The following TRHDE variants were observed in gnomAD, a reference collection of about 807,000 sequenced individuals.
The protein encoded by TRHDE is thyrotropin releasing hormone degrading enzyme, also known as thyrotropin-releasing hormone-degrading ectoenzyme.
A neutral mutation model predicts 125.7 loss-of-function variants in TRHDE; 72 were observed. The ratio of observed to expected loss-of-function variants is 0.57; its 90% CI spans 0.47 to 0.70. The LOEUF (loss-of-function observed/expected upper bound fraction) is 0.70. Ranked by LOEUF, TRHDE falls within the 30% of genes least tolerant of loss-of-function variation. TRHDE has a pLI of 0.00. For synonymous variants in TRHDE, 509 were observed against 509.1 expected (o/e 1.00, Z 0.00); for missense variants, 1,110 against 1,327.1 (o/e 0.84, Z 2.54).
At chr12:72,433,386 C>G (rs933832047) in intron 3 of TRHDE, among the ~76,000 whole-genome samples, 1 of 152,046 alleles carries the variant, frequency 6.6e-6, no homozygotes, top group African/African-American at 2.4e-5. Context: ...TAAATTCAGG[C>G]CCCTTTGTGG....
chr12:72,515,358 T>C (rs1195329919), intron 6 of TRHDE, among the ~76,000 whole-genome samples: 2 of 145,118 alleles, frequency 1.4e-5, no homozygotes, highest in African/African-American at 5.3e-5. Flanking sequence ...TATCTCATTG[T>C]GGTTTTGATT....
At chr12:72,634,554 C>T (rs748126649) in intron 15 of TRHDE, among the ~76,000 whole-genome samples, 55 of 151,306 alleles carry the variant, frequency 3.6e-4, no homozygotes, top group Non-Finnish European at 5.9e-4. Flanking sequence ...ACAATGTGCA[C>T]GTTACTTACA....
chr12:72,191,050 T>C (rs1178182758), intron 2 of TRHDE, among the ~76,000 whole-genome samples: 1 of 152,216 alleles, frequency 6.6e-6, no homozygotes, highest in African/African-American at 2.4e-5. Flanking sequence ...ACCTCTCCTA[T>C]AGTATTCTAT....
At chr12:72,133,379 TCAA>T (rs1241138007) in intron 2 of TRHDE, among the ~76,000 whole-genome samples, 1 of 152,172 alleles carries the variant, frequency 6.6e-6, no homozygotes, top group East Asian at 1.9e-4. Context: ...AATACAGGAA[TCAA>T]CAATGGCTGA....
In TRHDE at chr12:72,129,335, G is replaced by A. The variant is rs74103611; in HGVS notation, n.279+23583G>A. ...TATACAAAAAGAAACAAAGAATATT[G>A]GAAGTGGTAAAATGGGTAAAAATGA... On this transcript the variant is annotated intron_variant and non_coding_transcript_variant, in intron 2 of 4. Coordinates refer to the TRHDE transcript ENST00000548156. 4.7e-3 allele frequency among the ~76,000 whole-genome samples: 716 copies of A among 152,258 alleles called. 3 individuals carry two copies. The highest frequency in any genetic ancestry group is 0.017 in the African/African-American group (697 of 41,552).
intron 15 of TRHDE, among the ~76,000 whole-genome samples, chr12:72,639,067 G>A (rs2136096675): frequency 6.6e-6 from 1 of 150,544 alleles, no homozygotes; most frequent in Non-Finnish European, 1.5e-5. Context: ...GCTAGATTGG[G>A]GAAGTTCTCC....
intron 2 of TRHDE, among the ~76,000 whole-genome samples, chr12:72,308,286 A>G (rs1336421386): frequency 6.6e-6 from 1 of 152,050 alleles, no homozygotes; most frequent in South Asian, 2.1e-4. Context: ...CAGTATTTGC[A>G]AATAACTTCT....
intron 2 of TRHDE, among the ~76,000 whole-genome samples, chr12:72,245,696 A>C (rs530522663): frequency 6.6e-6 from 1 of 152,134 alleles, no homozygotes; most frequent in African/African-American, 2.4e-5. Context: ...ATATCAAACT[A>C]TAAGTATATA....
At chr12:72,260,922 A>G (rs1878937038) in intron 2 of TRHDE, among the ~76,000 whole-genome samples, 1 of 152,172 alleles carries the variant, frequency 6.6e-6, no homozygotes. Flanking sequence ...AGGTATCTCA[A>G]GAGTCTTGCT....
chr12:72,511,917 G>A (rs1003669944), intron 6 of TRHDE, among the ~76,000 whole-genome samples: 3 of 152,124 alleles, frequency 2.0e-5, no homozygotes, highest in Admixed American at 1.3e-4. Context: ...GTAAGGAATA[G>A]ATTAATCCTA....
intron 2 of TRHDE, among the ~76,000 whole-genome samples, chr12:72,307,562 A>G (rs1490873627): frequency 6.6e-6 from 1 of 152,116 alleles, no homozygotes; most frequent in Non-Finnish European, 1.5e-5. Context: ...GTAAGTGGTT[A>G]CTGTAGTGTG....
intron 2 of TRHDE, among the ~76,000 whole-genome samples, chr12:72,185,685 A>T (rs536798046): frequency 6.7e-6 from 1 of 150,338 alleles, no homozygotes; most frequent in East Asian, 2.0e-4. Flanking sequence ...AAATACACCA[A>T]TCAGCACATT....
chr12:72,519,662 T>G (rs1032521287), intron 6 of TRHDE, among the ~76,000 whole-genome samples: 3 of 152,238 alleles, frequency 2.0e-5, no homozygotes, highest in African/African-American at 7.2e-5. Flanking sequence ...TCATTCTCCG[T>G]CCAGCTTTAT....
intron 18 of TRHDE, among the ~76,000 whole-genome samples, chr12:72,662,054 C>T (rs560420666): frequency 6.6e-6 from 1 of 152,076 alleles, no homozygotes; most frequent in African/African-American, 2.4e-5. Flanking sequence ...AAGTTATAAC[C>T]GCATTTTAAC....
intron 5 of TRHDE, among the ~76,000 whole-genome samples, chr12:72,482,784 C>G (rs370753556): frequency 3.3e-5 from 5 of 151,854 alleles, no homozygotes; most frequent in African/African-American, 1.2e-4. Flanking sequence ...ACATTCTGTT[C>G]CTAACTATTT....
At chr12:72,563,540 T>C (rs1163423945) in intron 9 of TRHDE, among the ~76,000 whole-genome samples, 4 of 152,204 alleles carry the variant, frequency 2.6e-5, no homozygotes, top group African/African-American at 4.8e-5. Context: ...CAACATATTT[T>C]CTCTTTCTTA....
intron 2 of TRHDE, chr12:72,263,005 G>T (rs1415489020): frequency 6.6e-6 from 1 of 152,024 alleles, no homozygotes; most frequent in East Asian, 1.9e-4. Context: ...AAAGGCTATT[G>T]TTACATAATG....
At chr12:72,168,835 ATGT>A (rs1489620883) in intron 2 of TRHDE, among the ~76,000 whole-genome samples, 1 of 152,162 alleles carries the variant, frequency 6.6e-6, no homozygotes, top group East Asian at 1.9e-4. Context: ...TGTTTCTCAA[ATGT>A]TCTGCTCTAA....
intron 2 of TRHDE, among the ~76,000 whole-genome samples, chr12:72,312,768 C>A (rs1868606610): frequency 1.3e-5 from 2 of 152,244 alleles, no homozygotes; most frequent in Non-Finnish European, 2.9e-5. Context: ...TAAACATCAG[C>A]TTCGTAGATT....
Sources: gnomAD v4.1 joint callset for allele counts (sites outside exome capture counted in the v4.1 genomes callset) on GRCh38, gnomAD v4.1.1 for gene constraint, MANE v1.5 for transcripts, NCBI Gene and HGNC (gene_info 2026-07-23, HGNC 2026-07-21) for gene names.